DNER: variants seen among roughly 807,000 people sequenced by gnomAD.
DNER encodes delta and Notch-like epidermal growth factor-related receptor.
Under a neutral mutation model 78.2 loss-of-function variants are expected in DNER, and 33 were observed. That is an observed-to-expected ratio of 0.42 (90% CI 0.32 to 0.56). The LOEUF (loss-of-function observed/expected upper bound fraction) is 0.56, where lower values mean the gene tolerates loss of function less well. Among genes scored for constraint, DNER ranks in the 20% least tolerant of loss-of-function variants. The probability of loss-of-function intolerance (pLI) is 0.11; values close to 1 mark genes in which losing one functional copy is unlikely to be tolerated. For missense variants in DNER, 918 were observed against 975.3 expected (o/e 0.94, Z 0.78); for synonymous variants, 417 against 384.8 (o/e 1.08, Z -0.98).
intron 5 of DNER, among the ~76,000 whole-genome samples, chr2:229,531,667 C>A (rs558091446): frequency 6.6e-6 from 1 of 152,186 alleles, no homozygotes; most frequent in African/African-American, 2.4e-5. Context: ...AGGTATTCAC[C>A]CAAAAGAACT....
intron 1 of DNER, among the ~76,000 whole-genome samples, chr2:229,646,283 G>C (rs1698716916): frequency 6.6e-6 from 1 of 152,106 alleles, no homozygotes; most frequent in South Asian, 2.1e-4. Context: ...ATATTGCTTG[G>C]ATTGCCAAGA....
chr2:229,490,959 C>T (rs1695386145), intron 6 of DNER, among the ~76,000 whole-genome samples: 1 of 152,130 alleles, frequency 6.6e-6, no homozygotes, highest in Non-Finnish European at 1.5e-5. Flanking sequence ...ACTGGTTTTC[C>T]AATTTGTCCT....
intron 1 of DNER, among the ~76,000 whole-genome samples, chr2:229,594,544 A>G (rs1488236243): frequency 6.6e-6 from 1 of 151,974 alleles, no homozygotes; most frequent in African/African-American, 2.4e-5. Flanking sequence ...CCAAGATTGC[A>G]CCACTACACT....
At chr2:229,564,454 A>G (rs575777344) in intron 4 of DNER, among the ~76,000 whole-genome samples, 1 of 150,328 alleles carries the variant, frequency 6.7e-6, no homozygotes, top group Non-Finnish European at 1.5e-5. Context: ...TCCCATCACC[A>G]TCATCATCCT....
intron 1 of DNER, among the ~76,000 whole-genome samples, chr2:229,643,916 A>C (rs1199344832): frequency 2.0e-5 from 3 of 152,116 alleles, no homozygotes; most frequent in Non-Finnish European, 2.9e-5. Flanking sequence ...ATGGTTGCCT[A>C]ACGTTGTCTC....
intron 12 of DNER, among the ~76,000 whole-genome samples, chr2:229,362,148 G>A (rs931788581): frequency 1.3e-5 from 2 of 152,222 alleles, no homozygotes; most frequent in African/African-American, 2.4e-5. Flanking sequence ...CCCTCGAGGG[G>A]TGATGCATCC....
chr2:229,483,293 G>A (rs545981431), intron 6 of DNER, among the ~76,000 whole-genome samples: 2 of 152,178 alleles, frequency 1.3e-5, no homozygotes, highest in East Asian at 1.9e-4. Flanking sequence ...TTCCATTAGC[G>A]GTATGAGTCT....
chr2:229,441,132 C>T (rs140635792), intron 8 of DNER, among the ~76,000 whole-genome samples: 431 of 152,224 alleles, frequency 2.8e-3, no homozygotes, highest in African/African-American at 9.7e-3. Flanking sequence ...TGCATCTTAT[C>T]CTGCAGCAAA....
chr2:229,497,832 T>C lies in DNER; in HGVS notation c.1147+14951A>G, dbSNP rs139389929. Among the ~76,000 whole-genome samples the C allele has an allele frequency of 2.6e-5, 4 of 152,104 alleles. No individual in the cohort carries two copies. The East Asian group carries it at 7.7e-4, about 29-fold the overall frequency. On this transcript the variant is annotated intron_variant, in intron 6 of 12. Coordinates refer to ENST00000341772, the MANE Select transcript of DNER (RefSeq NM_139072.4). Reference sequence around the variant, plus strand: ...GAGCCAGTAATAAAAAAGTCTCCCATCAAAGAAAAATTCAGGAACTGATGG... The same window carrying C: ...GAGCCAGTAATAAAAAAGTCTCCCACCAAAGAAAAATTCAGGAACTGATGG...
chr2:229,432,694 T>C (rs1354635554), intron 8 of DNER, among the ~76,000 whole-genome samples: 10 of 152,088 alleles, frequency 6.6e-5, no homozygotes, highest in Admixed American at 2.0e-4. Context: ...ATGCGTGTTC[T>C]CAGGTCACAC....
chr2:229,438,850 G>A (rs1694178372), intron 8 of DNER, among the ~76,000 whole-genome samples: 3 of 152,092 alleles, frequency 2.0e-5, no homozygotes, highest in African/African-American at 4.8e-5. Flanking sequence ...CACTTCATAA[G>A]CTTATACAAA....
At chr2:229,366,799 T>G in intron 12 of DNER, 74 bp downstream of exon 12, 3 of 1,586,432 alleles carry the variant, frequency 1.9e-6, no homozygotes, top group Non-Finnish European at 2.6e-6. Flanking sequence ...TGGAAAGTCC[T>G]GTGTATAATA....
At chr2:229,596,047 A>C (rs1043574177) in intron 1 of DNER, among the ~76,000 whole-genome samples, 3 of 151,042 alleles carry the variant, frequency 2.0e-5, no homozygotes, top group Admixed American at 6.6e-5. Flanking sequence ...TAATACATTC[A>C]TTTTTTTCTT....
chr2:229,608,676 G>A (rs1697986196), intron 1 of DNER, among the ~76,000 whole-genome samples: 1 of 152,172 alleles, frequency 6.6e-6, no homozygotes, highest in African/African-American at 2.4e-5. Context: ...AGAGATGAAA[G>A]CTTACAACCC....
In DNER at chr2:229,512,774, G is replaced by C; in HGVS notation, c.1147+9C>G. 6.2e-7 allele frequency: 1 copy of C among 1,614,114 alleles called. No individual in the cohort carries two copies. The highest frequency in any genetic ancestry group is 8.5e-7 in the Non-Finnish European group (1 of 1,179,958). On this transcript the variant is annotated intron_variant, in intron 6 of 12. Transcript: ENST00000341772. ...CACCTAATAACTGAACCATGAGTAT[G>C]TGTCGTACCAGGAAGGCAAACACAG...
intron 1 of DNER, among the ~76,000 whole-genome samples, chr2:229,695,980 A>C (rs1699657464): frequency 1.3e-5 from 2 of 152,156 alleles, no homozygotes; most frequent in Admixed American, 1.3e-4. Flanking sequence ...ATTAGGAGAC[A>C]AACTGAGCCA....
At chr2:229,532,455 C>T (rs1000410673) in intron 5 of DNER, among the ~76,000 whole-genome samples, 1 of 152,192 alleles carries the variant, frequency 6.6e-6, no homozygotes, top group African/African-American at 2.4e-5. Flanking sequence ...CTCACTCTGT[C>T]CTTCTTTTCA....
intron 5 of DNER, among the ~76,000 whole-genome samples, chr2:229,546,585 A>G (rs1350335549): frequency 6.6e-6 from 1 of 152,150 alleles, no homozygotes; most frequent in East Asian, 1.9e-4. Flanking sequence ...AAAATACAAA[A>G]ATTAGCAGGG....
chr2:229,402,563 T>G (rs887284591), intron 10 of DNER, among the ~76,000 whole-genome samples: 4 of 152,216 alleles, frequency 2.6e-5, no homozygotes, highest in Admixed American at 2.6e-4. Context: ...ATTCTACCTT[T>G]AATAATGCAC....
Sources: gnomAD v4.1 joint callset for allele counts (sites outside exome capture counted in the v4.1 genomes callset) on GRCh38, gnomAD v4.1.1 for gene constraint, MANE v1.5 for transcripts, NCBI Gene and HGNC (gene_info 2026-07-23, HGNC 2026-07-21) for gene names.